PCNX1: variants seen among roughly 807,000 people sequenced by gnomAD.
The protein encoded by PCNX1 is pecanex-like protein 1.
A neutral mutation model predicts 242.2 loss-of-function variants in PCNX1; 78 were observed. The observed-to-expected ratio is 0.32, with a 90% confidence interval of 0.27 to 0.39. The LOEUF (loss-of-function observed/expected upper bound fraction) is 0.39, where lower values mean the gene tolerates loss of function less well. Ranked by LOEUF, PCNX1 falls within the 10% of genes least tolerant of loss-of-function variation. PCNX1 has a pLI of 1.00. For missense variants in PCNX1, 2,581 were observed against 2,856.5 expected (o/e 0.90, Z 2.20); for synonymous variants, 1,024 against 1,032.9 (o/e 0.99, Z 0.17).
Position 71,109,804 on chromosome 14 carries a change from C to G in PCNX1, c.6895C>G (p.Arg2299Gly), listed in dbSNP as rs775667738. 7.4e-6 allele frequency: 12 copies of G among 1,613,584 alleles called. No individual in the cohort carries two copies. Among genetic ancestry groups the G allele is most frequent in the Non-Finnish European group, 1.0e-5 (12 of 1,179,642 alleles). ...QEGMEGHVIH[R>G]WVPCSRDPGT... ...TATTCTGAATCATTAGGTGATTCAC[C>G]GATGGGTGCCTTGCAGCAGAGATCC... is the stretch of plus-strand genomic sequence containing the variant. Residue 2299 changes from arginine to glycine, a missense_variant, in exon 36 of 36, where the codon CGA (arginine) becomes GGA (glycine). Around this residue, in one of 9 missense-constraint regions of PCNX1, gnomAD observed 432 missense variants for 433.6 expected, o/e 1.00. Transcript: ENST00000304743.
rs1301191609 is a variant in PCNX1 at position 71,115,136 on chromosome 14, A to T, written c.*5201A>T. The T allele has an allele frequency of 6.6e-6, 1 of 152,628 alleles. No individual in the cohort carries two copies. The highest frequency in any genetic ancestry group is 1.5e-5 in the Non-Finnish European group (1 of 68,048). The allele number at this position is 152,628 out of a possible 1,614,324, so 9.5% of individuals were successfully genotyped here. A position where few individuals can be genotyped will look rare whatever the true frequency, so the allele number is the denominator to read the frequency against. ...AAGGAAAATGGGTTTTCCTTTTCTG[A>T]TCATGGGCTCTGGAAAGTATTCATG... On this transcript the variant is annotated 3_prime_UTR_variant, in exon 36 of 36. Coordinates refer to ENST00000304743, the MANE Select transcript of PCNX1 (RefSeq NM_014982.3).
intron 2 of PCNX1, among the ~76,000 whole-genome samples, chr14:70,959,417 C>G (rs567313265): frequency 1.5e-5 from 2 of 129,928 alleles, no homozygotes; most frequent in South Asian, 2.5e-4. Flanking sequence ...GTGTGATGTT[C>G]TCTTTCCTGT....
chr14:71,076,623 C>G (rs932521256), intron 28 of PCNX1, among the ~76,000 whole-genome samples: 4 of 152,196 alleles, frequency 2.6e-5, no homozygotes, highest in Non-Finnish European at 5.9e-5. Flanking sequence ...CTCTTTCTTT[C>G]ATTTGCAGTG....
intron 19 of PCNX1, among the ~76,000 whole-genome samples, chr14:71,038,849 T>G (rs978298246): frequency 2.0e-5 from 3 of 151,042 alleles, no homozygotes; most frequent in Non-Finnish European, 4.4e-5. Context: ...TAGACTGGAT[T>G]AAGAAAATGT....
At chr14:70,915,095 G>A (rs2056097025) in intron 1 of PCNX1, among the ~76,000 whole-genome samples, 1 of 152,008 alleles carries the variant, frequency 6.6e-6, no homozygotes, top group Non-Finnish European at 1.5e-5. Context: ...TGTTGTATCA[G>A]TAGCTTTTTT....
chr14:71,059,134 G>A (rs572469022), intron 26 of PCNX1, among the ~76,000 whole-genome samples: 10 of 152,136 alleles, frequency 6.6e-5, no homozygotes, highest in Non-Finnish European at 1.0e-4. Context: ...AATGAAAGGG[G>A]GGGTGGTTCT....
chr14:70,941,423 C>A (rs550256595), intron 1 of PCNX1, among the ~76,000 whole-genome samples: 1 of 152,322 alleles, frequency 6.6e-6, no homozygotes, highest in Admixed American at 6.5e-5. Flanking sequence ...CTGGATATCA[C>A]CAGTGGAGGC....
intron 2 of PCNX1, among the ~76,000 whole-genome samples, chr14:70,954,328 A>C (rs2140396726): frequency 6.6e-6 from 1 of 152,226 alleles, no homozygotes; most frequent in African/African-American, 2.4e-5. Flanking sequence ...ATGACTCTTG[A>C]TAGCCAGTGG....
intron 1 of PCNX1, among the ~76,000 whole-genome samples, chr14:70,933,683 A>T (rs2056888754): frequency 1.3e-5 from 2 of 152,202 alleles, no homozygotes; most frequent in Admixed American, 1.3e-4. Context: ...TCTAATGTCT[A>T]GTCTTGTGCC....
intron 1 of PCNX1, among the ~76,000 whole-genome samples, chr14:70,926,458 T>C (rs1003814433): frequency 6.6e-6 from 1 of 152,168 alleles, no homozygotes; most frequent in African/African-American, 2.4e-5. Context: ...AATATGTAAA[T>C]AGCAGCAAGA....
intron 1 of PCNX1, among the ~76,000 whole-genome samples, chr14:70,921,678 C>A (rs1399908234): frequency 6.6e-6 from 1 of 151,934 alleles, no homozygotes; most frequent in South Asian, 2.1e-4. Context: ...TTTTCAATTT[C>A]TGTATATGAA....
intron 1 of PCNX1, among the ~76,000 whole-genome samples, chr14:70,931,370 T>C (rs899054601): frequency 1.4e-4 from 21 of 152,336 alleles, no homozygotes; most frequent in East Asian, 5.8e-4. Flanking sequence ...TTGCCCACAA[T>C]GTAAACAGCC....
chr14:70,994,004 T>G (rs1480986808), intron 7 of PCNX1, among the ~76,000 whole-genome samples: 1 of 152,170 alleles, frequency 6.6e-6, no homozygotes, highest in East Asian at 1.9e-4. Flanking sequence ...AATAAATACT[T>G]TTATCATTAT....
rs568335096 is a variant in PCNX1, at chr14:71,112,706, A to G, written c.*2771A>G. The stretch of plus-strand genomic sequence containing the variant: ...AGTTATGTACAAGACTTCAGCATAC[A>G]TTAATGTCTTTAGTTTATAAATTTG... On this transcript the variant is annotated 3_prime_UTR_variant, in exon 36 of 36. Transcript: ENST00000304743. 4.6e-5 allele frequency: 7 copies of G among 152,252 alleles called. No homozygotes were observed. Among genetic ancestry groups the G allele is most frequent in the Non-Finnish European group, 1.0e-4 (7 of 67,978 alleles). The allele number at this position is 152,252 out of a possible 1,614,324, so 9.4% of individuals were successfully genotyped here.
intron 8 of PCNX1, among the ~76,000 whole-genome samples, chr14:71,004,717 A>G (rs1211222630): frequency 6.6e-6 from 1 of 152,180 alleles, no homozygotes; most frequent in Non-Finnish European, 1.5e-5. Flanking sequence ...ACTTATGATT[A>G]TAAGGGGGGT....
intron 7 of PCNX1, 126 bp downstream of exon 7, chr14:70,988,825 A>C: frequency 8.6e-7 from 1 of 1,167,772 alleles, no homozygotes; most frequent in Admixed American, 2.2e-5. Context: ...TTTCCTATAC[A>C]TTTAAGCCCT....
intron 4 of PCNX1, 28 bp downstream of exon 4, chr14:70,968,271 A>G (rs1211328141): frequency 1.9e-6 from 3 of 1,563,746 alleles, no homozygotes; most frequent in Non-Finnish European, 2.6e-6. Context: ...TAAAAGTTGC[A>G]CCTGCCTTTC....
At chr14:71,023,273 A>T (rs2060153384) in intron 13 of PCNX1, 41 bp downstream of exon 13, 10 of 1,402,486 alleles carry the variant, frequency 7.1e-6, no homozygotes, top group Middle Eastern at 1.8e-4. Context: ...TAGGTCCTTA[A>T]CATTTATCAT....
intron 2 of PCNX1, among the ~76,000 whole-genome samples, chr14:70,950,739 T>G (rs777698087): frequency 3.9e-4 from 60 of 151,998 alleles, no homozygotes; most frequent in Non-Finnish European, 5.4e-4. Context: ...ACTAGTGAAA[T>G]GGAGGTATTT....
Sources: allele counts gnomAD v4.1 joint callset (sites outside exome capture counted in the v4.1 genomes callset), GRCh38; gene constraint gnomAD v4.1.1; regional missense constraint gnomAD v4.1.1; transcripts MANE v1.5; gene names NCBI Gene and HGNC (gene_info 2026-07-23, HGNC 2026-07-21).